ARSG: variants seen among roughly 807,000 people sequenced by gnomAD.
The protein encoded by ARSG is arylsulfatase G, also known as ASG.
In ARSG, 37 loss-of-function variants were observed where a neutral mutation model predicts 50.5. The ratio of observed to expected loss-of-function variants is 0.73; its 90% confidence interval spans 0.56 to 0.96. The LOEUF (loss-of-function observed/expected upper bound fraction) is 0.96, where lower values mean the gene tolerates loss of function less well. Ranked by LOEUF, ARSG falls within the 50% of genes least tolerant of loss-of-function variation. ARSG has a pLI of 0.00. For synonymous variants in ARSG, 225 were observed against 254.6 expected (o/e 0.88, Z 1.11); for missense variants, 629 against 675.3 (o/e 0.93, Z 0.76).
At chr17:68,309,961 T>C (rs2076782757) in intron 2 of ARSG, among the ~76,000 whole-genome samples, 1 of 147,544 alleles carries the variant, frequency 6.8e-6, no homozygotes, top group African/African-American at 2.6e-5. Context: ...GTTTTTTGTT[T>C]GTTTGTTTGT....
chr17:68,372,528 G>A (rs116827280), intron 8 of ARSG, among the ~76,000 whole-genome samples: 3,148 of 152,218 alleles, frequency 0.021, 97 homozygotes, highest in African/African-American at 0.071. Context: ...AGAGAGTGAA[G>A]GGGAAGGCGC....
chr17:68,347,321 G>A, intron 4 of ARSG, 149 bp downstream of exon 4: 1 of 867,724 alleles, frequency 1.2e-6, no homozygotes, highest in South Asian at 1.4e-5. Flanking sequence ...TGCATTTGGG[G>A]TGCCAGGGCT....
downstream of ARSG, among the ~76,000 whole-genome samples, chr17:68,426,858 A>G (rs1253343883): frequency 1.3e-5 from 2 of 152,216 alleles, no homozygotes; most frequent in African/African-American, 4.8e-5. Flanking sequence ...TGAAGAGGCA[A>G]AGGGTTAACA....
At chr17:68,444,332 T>C in the ARSG span, among the ~76,000 whole-genome samples, 1 of 152,196 alleles carries the variant, frequency 6.6e-6, no homozygotes, top group African/African-American at 2.4e-5. Context: ...CCTGACATAA[T>C]TTGAATCTGC....
intron 1 of ARSG, among the ~76,000 whole-genome samples, chr17:68,262,259 C>G (rs2144836677): frequency 6.6e-6 from 1 of 151,918 alleles, no homozygotes; most frequent in East Asian, 1.9e-4. Flanking sequence ...ATCACGATGT[C>G]AGGAGATCGA....
At chr17:68,406,196 C>T (rs911118951) in intron 11 of ARSG, among the ~76,000 whole-genome samples, 1 of 152,116 alleles carries the variant, frequency 6.6e-6, no homozygotes, top group Non-Finnish European at 1.5e-5. Context: ...CCAGTCTCAC[C>T]CAGGTTGCTG....
At chr17:68,335,290 A>G (rs965782504) in intron 2 of ARSG, among the ~76,000 whole-genome samples, 5 of 152,174 alleles carry the variant, frequency 3.3e-5, no homozygotes, top group African/African-American at 9.6e-5. Context: ...CAGGTGGCTC[A>G]TGCCTGTAAT....
chr17:68,261,731 G>T (rs2075073619), intron 1 of ARSG, among the ~76,000 whole-genome samples: 1 of 152,146 alleles, frequency 6.6e-6, no homozygotes, highest in South Asian at 2.1e-4. Context: ...CCTCCCTAGG[G>T]AGGTGGCATT....
chr17:68,421,673 C>G (rs539572280), downstream of ARSG: 23 of 1,555,334 alleles, frequency 1.5e-5, no homozygotes, highest in East Asian at 1.6e-4. Context: ...TCCTGCCCCC[C>G]TTTCTGCTCA....
chr17:68,279,571 G>C (rs1404079365), intron 1 of ARSG, among the ~76,000 whole-genome samples: 1 of 152,130 alleles, frequency 6.6e-6, no homozygotes, highest in African/African-American at 2.4e-5. Flanking sequence ...ATACAAGCCT[G>C]TAGGGCCCCA....
intron 1 of ARSG, among the ~76,000 whole-genome samples, chr17:68,265,740 A>G (rs2075146621): frequency 6.9e-6 from 1 of 144,108 alleles, no homozygotes; most frequent in South Asian, 2.3e-4. Flanking sequence ...CCTGAGAGCT[A>G]ATAGTGTGTG....
At chr17:68,411,241 G>A (rs1255011267) in intron 11 of ARSG, among the ~76,000 whole-genome samples, 1 of 152,132 alleles carries the variant, frequency 6.6e-6, no homozygotes, top group Non-Finnish European at 1.5e-5. Flanking sequence ...GATCTTTTCT[G>A]CTTTCTCTTG....
At chr17:68,379,767 G>C (rs970231099) in intron 8 of ARSG, 3 of 938,544 alleles carry the variant, frequency 3.2e-6, no homozygotes, top group East Asian at 1.2e-4. Flanking sequence ...ATGACATTCA[G>C]CATTAGTTAA....
intron 7 of ARSG, 102 bp from the exon 8 acceptor site, chr17:68,370,342 A>G: frequency 1.0e-6 from 1 of 989,350 alleles, no homozygotes. Flanking sequence ...TCCTTTTTCT[A>G]TCTAGTTCCT....
chr17:68,313,946 T>C (rs917380664), intron 2 of ARSG, among the ~76,000 whole-genome samples: 7 of 152,104 alleles, frequency 4.6e-5, no homozygotes, highest in South Asian at 4.1e-4. Flanking sequence ...CCCAAAGTGC[T>C]GGGATTACAA....
At chr17:68,434,291 T>G in the ARSG span, among the ~76,000 whole-genome samples, 5 of 152,172 alleles carry the variant, frequency 3.3e-5, no homozygotes, top group Non-Finnish European at 5.9e-5. Context: ...ACTCCCTGGC[T>G]CTCTCATTTC....
intron 2 of ARSG, among the ~76,000 whole-genome samples, chr17:68,319,153 G>A (rs1372838918): frequency 2.6e-5 from 4 of 152,120 alleles, no homozygotes; most frequent in Admixed American, 1.3e-4. Flanking sequence ...AGAGCAGGCC[G>A]CTTCCTCTTT....
In ARSG at chr17:68,417,733, A is replaced by ATTTTTTTTTTTT. The variant is rs770292731; in HGVS notation, c.1304-2435_1304-2424dup. Among the ~76,000 whole-genome samples, 58 of 60,828 alleles carry ATTTTTTTTTTTT rather than the reference A, an allele frequency of 9.5e-4. 12 individuals are homozygous for ATTTTTTTTTTTT. Among genetic ancestry groups the ATTTTTTTTTTTT allele is most frequent in the East Asian group, 1.3e-3 (2 of 1,572 alleles). The allele number at this position is 60,828 out of a possible 152,430, so 39.9% of individuals were successfully genotyped here. ...CAAAAGACCTAATAAGAGTTGCTGA[A>ATTTTTTTTTTTT]TTTTTTTTTTTTTTTTTTTTTTTTT... On this transcript the variant is annotated intron_variant, in intron 11 of 11. Transcript: ENST00000621439.
chr17:68,413,016 A>T (rs954276521), intron 11 of ARSG, among the ~76,000 whole-genome samples: 1 of 150,978 alleles, frequency 6.6e-6, no homozygotes, highest in African/African-American at 2.4e-5. Context: ...CTAGTTATAC[A>T]TTCTTCTAAA....
Sources: allele counts gnomAD v4.1 joint callset (sites outside exome capture counted in the v4.1 genomes callset), GRCh38; gene constraint gnomAD v4.1.1; transcripts MANE v1.5; gene names NCBI Gene and HGNC (gene_info 2026-07-23, HGNC 2026-07-21).